The following BMPR1B variants were observed in gnomAD, a reference collection of about 807,000 sequenced individuals.
BMPR1B encodes the protein bone morphogenetic protein receptor type 1B, also known as bone morphogenetic protein receptor type-1B.
Under a neutral mutation model 59.1 loss-of-function variants are expected in BMPR1B, and 12 were observed. The ratio of observed to expected loss-of-function variants is 0.20; its 90% CI spans 0.13 to 0.33. BMPR1B has a LOEUF of 0.33. BMPR1B is among the 10% of genes least tolerant of loss of function. BMPR1B has a pLI of 1.00. For synonymous variants in BMPR1B, 237 were observed against 207.3 expected, an observed-to-expected ratio of 1.14 and a Z score of -1.23; for missense variants, 550 against 610.9, an observed-to-expected ratio of 0.90 and a Z score of 1.05.
At chr4:94,955,239 G>A (rs1730097346) in intron 2 of BMPR1B, among the ~76,000 whole-genome samples, 1 of 152,214 alleles carries the variant, frequency 6.6e-6, no homozygotes, top group Non-Finnish European at 1.5e-5. Context: ...TTCCTTCAGG[G>A]CTTGAGGCTT....
intron 3 of BMPR1B, among the ~76,000 whole-genome samples, chr4:95,087,443 C>T (rs9995627): frequency 0.94 from 143,690 of 152,224 alleles, 67,877 homozygotes; most frequent in Middle Eastern, 0.99. Context: ...TTAGAAATTA[C>T]CTCTCAGCCA....
chr4:95,027,909 A>G (rs1021941786), intron 3 of BMPR1B, among the ~76,000 whole-genome samples: 3 of 152,196 alleles, frequency 2.0e-5, no homozygotes, highest in Non-Finnish European at 4.4e-5. Context: ...GCTTTCCACT[A>G]TAGAAGAGTC....
chr4:94,978,949 T>TACACACACACACAC lies in BMPR1B; in HGVS notation c.-112-17074_-112-17061dup, dbSNP rs10649707. On this transcript the variant is annotated intron_variant, in intron 2 of 12. Coordinates refer to ENST00000515059, the MANE Select transcript of BMPR1B (RefSeq NM_001203.3). ...AGAGCAAGACACCATCACACATACA[T>TACACACACACACAC]ACACACACACACACACACACACACA... Among the ~76,000 whole-genome samples the TACACACACACACAC allele has an allele frequency of 1.7e-3, 250 of 147,804 alleles. 2 individuals carry two copies. The highest frequency in any genetic ancestry group is 6.8e-3 in the Middle Eastern group (2 of 292).
intron 2 of BMPR1B, among the ~76,000 whole-genome samples, chr4:94,970,016 T>C (rs1182963535): frequency 6.6e-6 from 1 of 152,216 alleles, no homozygotes; most frequent in Admixed American, 6.5e-5. Context: ...GTATTTACTA[T>C]TCTTCAGAGT....
At chr4:95,109,128 T>C (rs907629746) in intron 4 of BMPR1B, among the ~76,000 whole-genome samples, 2 of 152,160 alleles carry the variant, frequency 1.3e-5, no homozygotes, top group Non-Finnish European at 2.9e-5. Context: ...CTCCACTTCC[T>C]CACGCATGTT....
intron 1 of BMPR1B, among the ~76,000 whole-genome samples, chr4:94,853,685 G>GACTAGCAGC (rs1317280283): frequency 2.0e-5 from 3 of 152,062 alleles, no homozygotes; most frequent in Admixed American, 2.0e-4. Flanking sequence ...GTCATGGTCA[G>GACTAGCAGC]ACTAGCAGCA....
chr4:94,878,034 A>C (rs907010072), intron 2 of BMPR1B, among the ~76,000 whole-genome samples: 13 of 152,202 alleles, frequency 8.5e-5, no homozygotes, highest in East Asian at 3.9e-4. Context: ...AAAAAATTTT[A>C]ATGGCTCTAT....
intron 3 of BMPR1B, among the ~76,000 whole-genome samples, chr4:95,045,541 T>C (rs1725984944): frequency 2.0e-5 from 3 of 152,318 alleles, no homozygotes; most frequent in South Asian, 4.1e-4. Context: ...ATAAATGTAC[T>C]GTACTGCCTG....
chr4:94,799,846 A>G (rs1166299555), intron 1 of BMPR1B, among the ~76,000 whole-genome samples: 1 of 151,672 alleles, frequency 6.6e-6, no homozygotes, highest in Non-Finnish European at 1.5e-5. Flanking sequence ...GTGTACCATC[A>G]CACTCGGCTA....
intron 3 of BMPR1B, among the ~76,000 whole-genome samples, chr4:95,054,253 AAAG>A (rs1188665093): frequency 2.6e-5 from 4 of 152,174 alleles, no homozygotes; most frequent in African/African-American, 4.8e-5. Flanking sequence ...CAATAAGTGG[AAAG>A]AAGAACTCTT....
chr4:94,904,225 C>T (rs1473238453), intron 2 of BMPR1B, among the ~76,000 whole-genome samples: 1 of 151,890 alleles, frequency 6.6e-6, no homozygotes, highest in Non-Finnish European at 1.5e-5. Context: ...TGTAGAAATG[C>T]GTTCCGTTGC....
At chr4:94,929,308 A>G (rs986059313) in intron 2 of BMPR1B, among the ~76,000 whole-genome samples, 2 of 152,132 alleles carry the variant, frequency 1.3e-5, no homozygotes, top group Non-Finnish European at 2.9e-5. Flanking sequence ...CACTTGGAGC[A>G]TTTAATATGT....
At chr4:95,146,706 A>G (rs1403414391) in intron 10 of BMPR1B, among the ~76,000 whole-genome samples, 3 of 152,186 alleles carry the variant, frequency 2.0e-5, no homozygotes, top group African/African-American at 7.2e-5. Context: ...TGGGGTCACC[A>G]CTATCTTCCT....
chr4:94,893,619 GAA>G (rs1727480563), intron 2 of BMPR1B, among the ~76,000 whole-genome samples: 1 of 151,994 alleles, frequency 6.6e-6, no homozygotes, highest in African/African-American at 2.4e-5. Context: ...CAGTGAGAGA[GAA>G]ATGTTCCTTA....
intron 1 of BMPR1B, among the ~76,000 whole-genome samples, chr4:94,871,273 C>T (rs1031147451): frequency 2.6e-5 from 4 of 152,106 alleles, no homozygotes; most frequent in African/African-American, 9.7e-5. Context: ...ATTAAATAAG[C>T]TAATGCGTAC....
chr4:94,978,949 TACACAC>T (rs10649707), intron 2 of BMPR1B, among the ~76,000 whole-genome samples: 36 of 147,806 alleles, frequency 2.4e-4, no homozygotes, highest in Admixed American at 6.7e-4. Context: ...CACACATACA[TACACAC>T]ACACACACAC....
chr4:95,012,249 G>C (rs1324630351), intron 3 of BMPR1B, among the ~76,000 whole-genome samples: 1 of 151,988 alleles, frequency 6.6e-6, no homozygotes, highest in Non-Finnish European at 1.5e-5. Flanking sequence ...AATAATTTTT[G>C]CTCTTTTTTT....
At chr4:94,932,206 C>G (rs1294306013) in intron 2 of BMPR1B, among the ~76,000 whole-genome samples, 1 of 152,106 alleles carries the variant, frequency 6.6e-6, no homozygotes, top group Non-Finnish European at 1.5e-5. Flanking sequence ...ATTCAAGTGA[C>G]TGCCATAGTA....
chr4:95,029,859 A>C (rs2149153155), intron 3 of BMPR1B, among the ~76,000 whole-genome samples: 1 of 152,288 alleles, frequency 6.6e-6, no homozygotes, highest in East Asian at 1.9e-4. Context: ...ATTTCTCTTA[A>C]GGCCTAGTGA....
Sources: gnomAD v4.1 joint callset for allele counts (sites outside exome capture counted in the v4.1 genomes callset) on GRCh38, gnomAD v4.1.1 for gene constraint, MANE v1.5 for transcripts, NCBI Gene and HGNC (gene_info 2026-07-23, HGNC 2026-07-21) for gene names.